SUSD3: variants seen among roughly 807,000 people sequenced by gnomAD.
The protein encoded by SUSD3 is sushi domain containing 3.
In SUSD3, 18 loss-of-function variants were observed where a neutral mutation model predicts 20.6. That is an observed-to-expected ratio of 0.87 (90% CI 0.60 to 1.30). The LOEUF (loss-of-function observed/expected upper bound fraction) is 1.30. SUSD3 is among the 50% of genes most tolerant of loss of function. The pLI, the probability that SUSD3 is intolerant of heterozygous loss-of-function variation, is 0.00. For missense variants in SUSD3, 306 were observed against 346.9 expected (o/e 0.88, Z 0.94); for synonymous variants, 137 against 141.5 (o/e 0.97, Z 0.23).
chr9:93,078,239 G>C (rs951195963), intron 3 of SUSD3, among the ~76,000 whole-genome samples: 1 of 152,210 alleles, frequency 6.6e-6, no homozygotes, highest in Non-Finnish European at 1.5e-5. Flanking sequence ...CAGGCTATGG[G>C]TTCACGGGGG....
At position 93,058,735 on chromosome 9, in the gene SUSD3, C is replaced by T. The variant is rs1465208748; in HGVS notation, c.-8C>T. ...GCAGACCCCGCCAAGCGCCTCGGAG[C>T]GCGCAGGATGCGCTGGGCGGCCGCC... On this transcript the variant is annotated 5_prime_UTR_variant, in exon 1 of 5. Transcript: ENST00000375472. The T allele has an allele frequency of 3.2e-6, 4 of 1,232,272 alleles. No homozygotes were observed. The highest frequency in any genetic ancestry group is 4.1e-6 in the Non-Finnish European group (4 of 987,166). 76.3% of individuals were successfully genotyped at this position (1,232,272 alleles called of 1,614,324 possible).
At chr9:93,071,092 C>T (rs553648795) in intron 1 of SUSD3, among the ~76,000 whole-genome samples, 1 of 152,230 alleles carries the variant, frequency 6.6e-6, no homozygotes, top group East Asian at 1.9e-4. Context: ...TCTTAGGATC[C>T]GAGAGGTTGG....
intron 4 of SUSD3, among the ~76,000 whole-genome samples, chr9:93,081,370 G>A (rs898735224): frequency 1.3e-5 from 2 of 152,174 alleles, no homozygotes; most frequent in African/African-American, 4.8e-5. Context: ...AGGCTGCAGT[G>A]CACTTGGTCC....
In SUSD3 at chr9:93,073,438, C is replaced by T. The variant is rs530738111; in HGVS notation, c.89-2346C>T. Reference sequence around the variant, plus strand: ...ATTATTTTTCTATTTTTAGTAAAGACGGGGTTTCACCGTGTTAGCCAGGAT... The same window carrying T: ...ATTATTTTTCTATTTTTAGTAAAGATGGGGTTTCACCGTGTTAGCCAGGAT... On this transcript the variant is annotated intron_variant, in intron 1 of 4. Transcript: ENST00000375472. 7.2e-5 allele frequency among the ~76,000 whole-genome samples: 11 copies of T among 152,132 alleles called. No individual in the cohort carries two copies. The East Asian group carries it at 1.7e-3, about 24-fold the overall frequency.
At chr9:93,066,378 C>T (rs528457620) in intron 1 of SUSD3, among the ~76,000 whole-genome samples, 11 of 152,158 alleles carry the variant, frequency 7.2e-5, no homozygotes, top group East Asian at 3.9e-4. Flanking sequence ...GAACTACAGG[C>T]GCACGCCACC....
chr9:93,079,576 G>T lies in SUSD3; in HGVS notation c.531G>T (p.Gln177His), dbSNP rs41313323. The change falls in exon 4 of 5, where the codon CAG (glutamine) becomes CAT (histidine). Residue 177 changes from glutamine to histidine, a missense_variant. Physicochemically the swap from Gln to His is conservative, Grantham distance 24 (BLOSUM62 0). Transcript: ENST00000375472. The part of the protein sequence containing the change: ...HFNKPVSGPS[Q>H]AHDNHSFTTD... The stretch of plus-strand genomic sequence containing the variant: ...ACAAACCCGTGAGCGGGCCCAGCCA[G>T]GCGCACGACAACCACAGCTTCACCA... The T allele has an allele frequency of 2.2e-3, 3,494 of 1,613,994 alleles. 56 individuals carry two copies. In the African/African-American group the frequency reaches 0.03, roughly 14 times the overall value.
chr9:93,080,956 C>T (rs2119002974), intron 4 of SUSD3, among the ~76,000 whole-genome samples: 1 of 152,278 alleles, frequency 6.6e-6, no homozygotes, highest in South Asian at 2.1e-4. Flanking sequence ...GGGAAAAGTT[C>T]ACAAATACAC....
chr9:93,080,318 C>CAAAAAAAAAAA (rs56134136), intron 4 of SUSD3, among the ~76,000 whole-genome samples: 2 of 56,774 alleles, frequency 3.5e-5, no homozygotes, highest in Non-Finnish European at 3.7e-5. Context: ...GACTCCGTCT[C>CAAAAAAAAAAA]AAAAAAAAAA....
chr9:93,064,260 A>G (rs961507818), intron 1 of SUSD3, among the ~76,000 whole-genome samples: 9 of 152,236 alleles, frequency 5.9e-5, no homozygotes, highest in South Asian at 2.1e-4. Flanking sequence ...GTTGGCCAGG[A>G]TGGTCTTGAT....
intron 1 of SUSD3, 46 bp from the exon 2 acceptor site, chr9:93,075,738 C>CA: frequency 5.0e-6 from 1 of 200,806 alleles, no homozygotes; most frequent in South Asian, 3.5e-5. Flanking sequence ...CCCTGCGTGC[C>CA]CACCCCCCCC....
Position 93,075,735 on chromosome 9 carries a change from T to TGGGGGGGGGGGG in SUSD3, c.89-48_89-47insGGGGGGGGGGGG. On this transcript the variant is annotated intron_variant, in intron 1 of 4. Transcript: ENST00000375472. ...GGGTCCTGCCCAGCCCTGCCCTGCG[T>TGGGGGGGGGGGG]GCCCACCCCCCCCCCCCCGCCATGC... 6 of 247,424 alleles carry TGGGGGGGGGGGG rather than the reference T, an allele frequency of 2.4e-5. No homozygotes were observed. The East Asian group carries it at 3.3e-4, about 14-fold the overall frequency. 15.3% of individuals were successfully genotyped at this position (247,424 alleles called of 1,614,324 possible). A position where few individuals can be genotyped will look rare whatever the true frequency, so the allele number is the denominator to read the frequency against.
At chr9:93,076,713 A>G (rs1022674873) in intron 2 of SUSD3, among the ~76,000 whole-genome samples, 16 of 152,356 alleles carry the variant, frequency 1.1e-4, no homozygotes, top group African/African-American at 3.8e-4. Flanking sequence ...AGATTCTGAA[A>G]GGCAGAAAAC....
chr9:93,072,256 C>T (rs1825939223), intron 1 of SUSD3, among the ~76,000 whole-genome samples: 1 of 152,180 alleles, frequency 6.6e-6, no homozygotes, highest in African/African-American at 2.4e-5. Flanking sequence ...GCATGTCTGC[C>T]TCAACCCCTC....
intron 1 of SUSD3, among the ~76,000 whole-genome samples, chr9:93,073,351 A>G (rs562188296): frequency 4.8e-4 from 71 of 147,010 alleles, no homozygotes; most frequent in African/African-American, 1.8e-3. Context: ...GGTTCACACC[A>G]TTCTCCTGCC....
intron 1 of SUSD3, among the ~76,000 whole-genome samples, chr9:93,063,110 T>C (rs1407730024): frequency 6.6e-6 from 1 of 152,114 alleles, no homozygotes; most frequent in African/African-American, 2.4e-5. Flanking sequence ...TTTCCTGGCC[T>C]CCCAGGCTCA....
At chr9:93,081,667 G>A (rs890807538) in intron 4 of SUSD3, among the ~76,000 whole-genome samples, 2 of 152,182 alleles carry the variant, frequency 1.3e-5, no homozygotes, top group Non-Finnish European at 2.9e-5. Flanking sequence ...CACCTGCAGG[G>A]AAGGAATTCA....
intron 1 of SUSD3, among the ~76,000 whole-genome samples, chr9:93,062,491 G>A (rs560385233): frequency 9.2e-5 from 14 of 152,298 alleles, no homozygotes; most frequent in Admixed American, 4.6e-4. Context: ...AGGGCAGGAC[G>A]GATCCAGAGA....
rs188812494 is a variant in SUSD3 at position 93,068,860 on chromosome 9, A to G, written c.89-6924A>G. ...CCCCTCAGTGCATGCCTGAAACTTC[A>G]GATACTATATATGTTGTTTTTTCCC... On this transcript the variant is annotated intron_variant, in intron 1 of 4. Transcript: ENST00000375472. Among the ~76,000 whole-genome samples, 47 of 148,084 alleles carry G rather than the reference A, an allele frequency of 3.2e-4. 2 individuals are homozygous for G. In the East Asian group the frequency reaches 9.2e-3, roughly 29 times the overall value.
At chr9:93,073,134 G>A (rs1825976806) in intron 1 of SUSD3, among the ~76,000 whole-genome samples, 1 of 152,132 alleles carries the variant, frequency 6.6e-6, no homozygotes, top group Admixed American at 6.5e-5. Flanking sequence ...CCCTGCCTGT[G>A]CCGAGGGAGA....
Sources: allele counts gnomAD v4.1 joint callset (sites outside exome capture counted in the v4.1 genomes callset), GRCh38; gene constraint gnomAD v4.1.1; transcripts MANE v1.5; gene names NCBI Gene and HGNC (gene_info 2026-07-23, HGNC 2026-07-21).